The following PRKCE variants were observed in gnomAD, a reference collection of about 807,000 sequenced individuals.
PRKCE encodes the protein protein kinase C epsilon type.
Under a neutral mutation model 85.4 loss-of-function variants are expected in PRKCE, and 16 were observed. That is an observed-to-expected ratio of 0.19 (90% confidence interval 0.13 to 0.28). The LOEUF (loss-of-function observed/expected upper bound fraction) is 0.28. Ranked by LOEUF, PRKCE falls within the 10% of genes least tolerant of loss-of-function variation. The pLI, the probability that PRKCE is intolerant of heterozygous loss-of-function variation, is 1.00. For missense variants in PRKCE, 573 were observed against 975.2 expected (o/e 0.59, Z 5.49); for synonymous variants, 388 against 371.5 (o/e 1.04, Z -0.51).
rs1158296041 is a variant in PRKCE at position 45,774,739 on chromosome 2, C to A, written c.349-68261C>A. On this transcript the variant is annotated intron_variant, in intron 1 of 14. Transcript: ENST00000306156. This position sits in a 1 kb window ranked among gnomAD's most constrained non-coding sequence, Gnocchi z 4.3. ...GATGAATCAAGCCGGGACGCCCAGTCACCCTGACTTTGACTCTTTCCTGGA... is the reference window on the plus strand; with the variant it reads ...GATGAATCAAGCCGGGACGCCCAGTAACCCTGACTTTGACTCTTTCCTGGA... 6.6e-6 allele frequency among the ~76,000 whole-genome samples: 1 copy of A among 152,116 alleles called. No individual in the cohort carries two copies. Among genetic ancestry groups the A allele is most frequent in the Admixed American group, 6.5e-5 (1 of 15,282 alleles).
At chr2:46,123,847 C>T (rs944518888) in intron 11 of PRKCE, among the ~76,000 whole-genome samples, 1 of 152,144 alleles carries the variant, frequency 6.6e-6, no homozygotes, top group Non-Finnish European at 1.5e-5. Flanking sequence ...AGGATTTGTA[C>T]CATTCCAACT....
At chr2:45,792,069 C>A (rs935403267) in intron 1 of PRKCE, among the ~76,000 whole-genome samples, 1 of 152,208 alleles carries the variant, frequency 6.6e-6, no homozygotes, top group Admixed American at 6.5e-5. Context: ...TTGCTTAGTT[C>A]ATGGTTCTGC....
chr2:45,866,680 ACTAGCCAC>A (rs144432388), intron 2 of PRKCE, among the ~76,000 whole-genome samples: 8,037 of 152,332 alleles, frequency 0.053, 265 homozygotes, highest in Middle Eastern at 0.099. Context: ...GGATGTAGCC[ACTAGCCAC>A]CTGTGGCTAT....
At chr2:46,062,668 CTTTTTTTTT>C (rs71394871) in intron 10 of PRKCE, among the ~76,000 whole-genome samples, 2 of 73,260 alleles carry the variant, frequency 2.7e-5, no homozygotes, top group African/African-American at 6.0e-5. Flanking sequence ...AAAGCTCAGC[CTTTTTTTTT>C]TTTTTTTTTT....
intron 1 of PRKCE, among the ~76,000 whole-genome samples, chr2:45,734,069 A>G (rs1681826028): frequency 6.6e-6 from 1 of 152,150 alleles, no homozygotes; most frequent in East Asian, 1.9e-4. Flanking sequence ...AGTCCAGTGG[A>G]AAACATTAAA....
intron 1 of PRKCE, among the ~76,000 whole-genome samples, chr2:45,678,104 C>T (rs987793584): frequency 2.6e-5 from 4 of 152,116 alleles, no homozygotes; most frequent in Non-Finnish European, 5.9e-5. Flanking sequence ...CTCTGCCTTT[C>T]TCACCAATTT....
intron 1 of PRKCE, among the ~76,000 whole-genome samples, chr2:45,696,417 T>C (rs1374232062): frequency 6.6e-6 from 1 of 152,162 alleles, no homozygotes; most frequent in Admixed American, 6.5e-5. Context: ...TACAGGTCCC[T>C]GGGGCATTTG....
At chr2:45,665,645 C>T (rs538192105) in intron 1 of PRKCE, among the ~76,000 whole-genome samples, 1 of 152,226 alleles carries the variant, frequency 6.6e-6, no homozygotes, top group South Asian at 2.1e-4. Context: ...CCAGAGTTGC[C>T]AGAGGAAATA....
intron 11 of PRKCE, among the ~76,000 whole-genome samples, chr2:46,125,285 G>A (rs901626080): frequency 3.9e-5 from 6 of 152,106 alleles, no homozygotes; most frequent in South Asian, 2.1e-4. Context: ...CGTCATCCCC[G>A]GTATGTGGTT....
intron 6 of PRKCE, among the ~76,000 whole-genome samples, chr2:45,997,434 G>A (rs1704308736): frequency 6.6e-6 from 1 of 151,970 alleles, no homozygotes; most frequent in South Asian, 2.1e-4. Flanking sequence ...TTTTTAGAAT[G>A]TTTTTCCTAA....
intron 1 of PRKCE, among the ~76,000 whole-genome samples, chr2:45,816,772 C>T (rs550152396): frequency 1.3e-5 from 2 of 152,234 alleles, no homozygotes; most frequent in South Asian, 2.1e-4. Context: ...TTCTCACTGC[C>T]CTGTTACCTC....
Position 45,824,869 on chromosome 2 carries a change from C to G in PRKCE, c.349-18131C>G, listed in dbSNP as rs189011777. Among the ~76,000 whole-genome samples the G allele has an allele frequency of 7.9e-5, 12 of 152,158 alleles. No individual in the cohort carries two copies. In the East Asian group the frequency reaches 1.9e-3, roughly 25 times the overall value. On this transcript the variant is annotated intron_variant, in intron 1 of 14. Coordinates refer to ENST00000306156, the MANE Select transcript of PRKCE (RefSeq NM_005400.3). ...TTTCCTGTCTCTTCTTTCTCTTCTC[C>G]CTTAGAAGTTGAATGGGCCAACAAT...
At chr2:45,664,215 T>C (rs112157929) in intron 1 of PRKCE, among the ~76,000 whole-genome samples, 5,333 of 152,300 alleles carry the variant, frequency 0.035, 297 homozygotes, top group African/African-American at 0.12. Flanking sequence ...TGTCATTGGA[T>C]AGTGGTTTGT....
At chr2:45,753,728 C>A (rs546215332) in intron 1 of PRKCE, among the ~76,000 whole-genome samples, 1 of 152,320 alleles carries the variant, frequency 6.6e-6, no homozygotes, top group East Asian at 1.9e-4. Context: ...GACCCACTCC[C>A]ATGTCCCCAT....
At chr2:46,128,881 G>C (rs985536770) in intron 11 of PRKCE, among the ~76,000 whole-genome samples, 1 of 152,166 alleles carries the variant, frequency 6.6e-6, no homozygotes, top group Admixed American at 6.5e-5. Context: ...CTGCTCGTGG[G>C]CACTTGACTC....
chr2:45,828,594 T>A (rs1690148172), intron 1 of PRKCE, among the ~76,000 whole-genome samples: 1 of 152,234 alleles, frequency 6.6e-6, no homozygotes, highest in Non-Finnish European at 1.5e-5. Flanking sequence ...GTCTCATTTT[T>A]AATTTGTACC....
chr2:46,050,006 C>T (rs1025623730), intron 10 of PRKCE, among the ~76,000 whole-genome samples: 8 of 151,930 alleles, frequency 5.3e-5, no homozygotes, highest in African/African-American at 1.2e-4. Context: ...CTGGGCCCAC[C>T]GACTGATGGG....
At chr2:46,073,091 C>A (rs775528243) in intron 10 of PRKCE, among the ~76,000 whole-genome samples, 1 of 152,206 alleles carries the variant, frequency 6.6e-6, no homozygotes, top group Non-Finnish European at 1.5e-5. Flanking sequence ...CCAAGGGGTT[C>A]TAAACGTCCA....
chr2:45,927,082 G>A (rs1573907734), intron 2 of PRKCE, among the ~76,000 whole-genome samples: 1 of 151,950 alleles, frequency 6.6e-6, no homozygotes, highest in South Asian at 2.1e-4. Flanking sequence ...ATGTGCACAT[G>A]TGAGCGTGCA....
Sources: allele counts gnomAD v4.1 joint callset (sites outside exome capture counted in the v4.1 genomes callset), GRCh38; gene constraint gnomAD v4.1.1; non-coding constraint Gnocchi (gnomAD v3.1); transcripts MANE v1.5; gene names NCBI Gene and HGNC (gene_info 2026-07-23, HGNC 2026-07-21).